Variants in ANKFN1 observed in about 807,000 individuals in gnomAD.
The protein encoded by ANKFN1 is ankyrin repeat and fibronectin type III domain containing 1.
In ANKFN1, 74 loss-of-function variants were observed where a neutral mutation model predicts 108.7. The ratio of observed to expected loss-of-function variants is 0.68; its 90% CI spans 0.56 to 0.83. The LOEUF (loss-of-function observed/expected upper bound fraction) is 0.83, where lower values mean the gene tolerates loss of function less well. Among genes scored for constraint, ANKFN1 ranks in the 40% least tolerant of loss-of-function variants. ANKFN1 has a pLI of 0.00. For missense variants in ANKFN1, 1,505 were observed against 1,382.3 expected, an observed-to-expected ratio of 1.09 and a Z score of -1.41; for synonymous variants, 547 against 516.2, an observed-to-expected ratio of 1.06 and a Z score of -0.81.
intron 1 of ANKFN1, among the ~76,000 whole-genome samples, chr17:56,183,848 G>T (rs918195625): frequency 6.6e-6 from 1 of 152,176 alleles, no homozygotes; most frequent in Non-Finnish European, 1.5e-5. Context: ...CACTTCAGCG[G>T]ATGAAGAAAC....
rs528974256 is a variant in ANKFN1 at position 56,513,988 on chromosome 17, C to T, written c.*2719C>T. On this transcript the variant is annotated 3_prime_UTR_variant, in exon 21 of 21. Coordinates refer to ENST00000682825, the MANE Select transcript of ANKFN1 (RefSeq NM_001370326.1). ...CAACTGTGTTCTCTAATTCACAGTC[C>T]TTTATTCATTTGGCCGACCTTCTAC... Among the ~76,000 whole-genome samples the T allele has an allele frequency of 6.6e-6, 1 of 152,230 alleles. No individual in the cohort carries two copies. The highest frequency in any genetic ancestry group is 1.5e-5 in the Non-Finnish European group (1 of 68,024).
chr17:56,381,764 C>A (rs941467174), intron 8 of ANKFN1, among the ~76,000 whole-genome samples: 16 of 152,164 alleles, frequency 1.1e-4, no homozygotes, highest in African/African-American at 3.9e-4. Context: ...CGAACAAAGC[C>A]TCCAAGAAAT....
At chr17:56,439,840 A>G (rs756381351) in intron 8 of ANKFN1, among the ~76,000 whole-genome samples, 12 of 152,130 alleles carry the variant, frequency 7.9e-5, no homozygotes, top group Non-Finnish European at 1.6e-4. Context: ...GTCCTAGTGG[A>G]TCCTTTGGTT....
At chr17:56,328,888 A>G (rs766242726) in intron 4 of ANKFN1, among the ~76,000 whole-genome samples, 3 of 152,134 alleles carry the variant, frequency 2.0e-5, no homozygotes, top group Non-Finnish European at 4.4e-5. Context: ...AATCACTAAC[A>G]AAATGTAGTC....
At chr17:56,120,292 C>A (rs1272229819) in intron 4 of ANKFN1, among the ~76,000 whole-genome samples, 1 of 152,152 alleles carries the variant, frequency 6.6e-6, no homozygotes, top group African/African-American at 2.4e-5. Flanking sequence ...CTCCATTCTG[C>A]CCTTCTACAA....
intron 3 of ANKFN1, chr17:56,245,880 G>A (rs954650613): frequency 1.3e-5 from 2 of 152,014 alleles, no homozygotes; most frequent in African/African-American, 4.8e-5. Flanking sequence ...TAATAGGAGA[G>A]CTTTGTTACA....
chr17:56,105,408 G>A (rs1024959972), intron 4 of ANKFN1, among the ~76,000 whole-genome samples: 1 of 151,958 alleles, frequency 6.6e-6, no homozygotes, highest in African/African-American at 2.4e-5. Context: ...TGAAATACTC[G>A]GCTTTATGGA....
At chr17:56,125,644 A>C (rs1038950902) in intron 4 of ANKFN1, among the ~76,000 whole-genome samples, 16 of 152,252 alleles carry the variant, frequency 1.1e-4, no homozygotes, top group Non-Finnish European at 2.2e-4. Flanking sequence ...ACAAATGAGG[A>C]AACACAAGGA....
chr17:56,170,981 G>A (rs923813300), intron 1 of ANKFN1, among the ~76,000 whole-genome samples: 3 of 151,370 alleles, frequency 2.0e-5, no homozygotes, highest in Admixed American at 1.3e-4. Context: ...TTATCTTGGG[G>A]GAGCTGGAAG....
chr17:56,300,933 A>G (rs1004205946), intron 3 of ANKFN1, among the ~76,000 whole-genome samples: 1 of 152,248 alleles, frequency 6.6e-6, no homozygotes, highest in Non-Finnish European at 1.5e-5. Context: ...TCATGCATAC[A>G]AGTAGTCTAA....
chr17:56,369,442 C>T (rs1280529287), intron 6 of ANKFN1, among the ~76,000 whole-genome samples: 1 of 152,108 alleles, frequency 6.6e-6, no homozygotes, highest in African/African-American at 2.4e-5. Context: ...AAAATGCCCC[C>T]ATTCCAGGGT....
At chr17:56,488,279 G>A (rs548178874) in intron 18 of ANKFN1, among the ~76,000 whole-genome samples, 269 of 152,226 alleles carry the variant, frequency 1.8e-3, no homozygotes, top group Non-Finnish European at 3.2e-3. Context: ...CCTTGGTGGG[G>A]GTATAGAAGA....
intron 13 of ANKFN1, 133 bp from the exon 14 acceptor site, chr17:56,457,730 C>A: frequency 1.4e-6 from 1 of 704,242 alleles, no homozygotes; most frequent in Non-Finnish European, 2.5e-6. Flanking sequence ...AAAGTTGTTT[C>A]GTGTGTGTCT....
At chr17:56,325,262 CTGTGTG>C (rs57226368) in intron 3 of ANKFN1, among the ~76,000 whole-genome samples, 33,962 of 149,518 alleles carry the variant, frequency 0.23, 4,074 homozygotes, top group East Asian at 0.51. Context: ...GCTAGTGTCG[CTGTGTG>C]TGTGTGTGTG....
At chr17:56,312,817 G>A (rs1359255906) in intron 3 of ANKFN1, among the ~76,000 whole-genome samples, 1 of 152,162 alleles carries the variant, frequency 6.6e-6, no homozygotes, top group Non-Finnish European at 1.5e-5. Context: ...ACTAACAAAC[G>A]ACAAGTAAAG....
chr17:56,448,763 G>A (rs971156928), intron 10 of ANKFN1, among the ~76,000 whole-genome samples: 1 of 152,154 alleles, frequency 6.6e-6, no homozygotes, highest in Non-Finnish European at 1.5e-5. Flanking sequence ...GATGTAGAAG[G>A]CTAAAAGGGG....
intron 4 of ANKFN1, among the ~76,000 whole-genome samples, chr17:56,088,845 C>G (rs1199431354): frequency 6.6e-6 from 1 of 151,324 alleles, no homozygotes; most frequent in African/African-American, 2.4e-5. Flanking sequence ...CCTCACAAGG[C>G]TAATAGCTTC....
intron 19 of ANKFN1, among the ~76,000 whole-genome samples, chr17:56,497,591 T>G (rs1157753155): frequency 1.3e-5 from 2 of 152,180 alleles, no homozygotes; most frequent in African/African-American, 4.8e-5. Context: ...CAAGAAATTT[T>G]GAAAATAAAA....
chr17:56,106,015 C>T (rs1905746701), intron 4 of ANKFN1, among the ~76,000 whole-genome samples: 1 of 152,036 alleles, frequency 6.6e-6, no homozygotes, highest in Non-Finnish European at 1.5e-5. Context: ...GTTGAGAAAC[C>T]TTGATTTAGA....
Sources: allele counts gnomAD v4.1 joint callset (sites outside exome capture counted in the v4.1 genomes callset), GRCh38; gene constraint gnomAD v4.1.1; transcripts MANE v1.5; gene names NCBI Gene and HGNC (gene_info 2026-07-23, HGNC 2026-07-21).